FER1L6: variants seen among roughly 807,000 people sequenced by gnomAD.
The protein encoded by FER1L6 is fer-1-like protein 6.
FER1L6 carries 177 observed loss-of-function variants against 219.2 expected under a neutral mutation model. The observed-to-expected ratio is 0.81, with a 90% CI of 0.71 to 0.91. The LOEUF is 0.91. FER1L6 is among the 40% of genes least tolerant of loss of function. The probability of loss-of-function intolerance (pLI) is 0.00; values close to 1 mark genes in which losing one functional copy is unlikely to be tolerated. For synonymous variants in FER1L6, 768 were observed against 824.3 expected (o/e 0.93, Z 1.17); for missense variants, 2,153 against 2,259.9 (o/e 0.95, Z 0.96).
At chr8:124,087,480 GTTATCTTGAATT>G (rs759012403) in intron 33 of FER1L6, among the ~76,000 whole-genome samples, 2 of 152,040 alleles carry the variant, frequency 1.3e-5, no homozygotes, top group Non-Finnish European at 2.9e-5. Flanking sequence ...CCTTCTTTGT[GTTATCTTGAATT>G]TTGTTGAGCT....
At chr8:124,062,135 T>A in intron 25 of FER1L6, 103 bp downstream of exon 25, 9 of 1,243,236 alleles carry the variant, frequency 7.2e-6, no homozygotes, top group South Asian at 5.6e-5. Flanking sequence ...CACAGCCAAG[T>A]GGCTGGGTGG....
At chr8:123,994,493 G>T (rs1048670998) in intron 12 of FER1L6, among the ~76,000 whole-genome samples, 4 of 152,162 alleles carry the variant, frequency 2.6e-5, no homozygotes, top group Non-Finnish European at 5.9e-5. Context: ...CTACACATTG[G>T]CGAGACATAT....
At position 124,067,789 on chromosome 8, in the gene FER1L6, G is replaced by GA. The variant is rs747094222; in HGVS notation, c.3708dup (p.Gly1237ArgfsTer9). The GA allele has an allele frequency of 8.7e-6, 14 of 1,611,916 alleles. No individual in the cohort carries two copies. The highest frequency in any genetic ancestry group is 1.3e-5 in the African/African-American group (1 of 74,866). ...AAGGCAAAGGAGAGAAATCCCAAGG[G>GA]AAAAAAAGGCAATACAGGTAAGCAG... On this transcript the variant is annotated frameshift_variant, in exon 28 of 41. Coordinates refer to ENST00000522917, the MANE Select transcript of FER1L6 (RefSeq NM_001039112.2). LOFTEE classifies it high-confidence loss of function.
At chr8:123,965,951 TG>T in intron 3 of FER1L6, 55 bp from the exon 4 acceptor site, 1 of 1,412,114 alleles carries the variant, frequency 7.1e-7, no homozygotes. Flanking sequence ...AATATTATCA[TG>T]ACTTATGGAT....
chr8:123,995,922 C>T (rs1817111430), intron 12 of FER1L6, among the ~76,000 whole-genome samples: 1 of 152,098 alleles, frequency 6.6e-6, no homozygotes, highest in African/African-American at 2.4e-5. Context: ...TATTGACCCA[C>T]TGGCATTCAG....
chr8:124,034,693 G>T (rs1376088631), intron 18 of FER1L6, among the ~76,000 whole-genome samples: 2 of 152,234 alleles, frequency 1.3e-5, no homozygotes, highest in African/African-American at 4.8e-5. Context: ...GGCAGGCCAG[G>T]TAGATTCTTC....
At chr8:123,986,761 A>T (rs912548835) in intron 12 of FER1L6, among the ~76,000 whole-genome samples, 1 of 152,202 alleles carries the variant, frequency 6.6e-6, no homozygotes, top group Non-Finnish European at 1.5e-5. Context: ...AAGTGAGAAC[A>T]TGTGAAGTTT....
intron 1 of FER1L6, among the ~76,000 whole-genome samples, chr8:123,868,100 C>T (rs962439640): frequency 6.6e-6 from 1 of 152,032 alleles, no homozygotes; most frequent in African/African-American, 2.4e-5. Flanking sequence ...CTCCTTATTC[C>T]TTTCTTCCTT....
At chr8:124,054,075 G>T (rs1022272665) in intron 22 of FER1L6, among the ~76,000 whole-genome samples, 2 of 152,124 alleles carry the variant, frequency 1.3e-5, no homozygotes, top group African/African-American at 4.8e-5. Flanking sequence ...CCTGCAGATT[G>T]TTCCTTGAAT....
Position 123,963,388 on chromosome 8 carries a change from C to T in FER1L6, c.187C>T (p.Pro63Ser), listed in dbSNP as rs377179308. The change falls in exon 3 of 41, where the codon CCA becomes TCA. Residue 63 changes from proline (P) to serine (S), a missense_variant. Pro to Ser is a moderately conservative substitution (Grantham distance 74). Transcript: ENST00000522917. ...ASIFPVPSASPKRRSKLLTKI... is the reference protein window; with the variant it reads ...ASIFPVPSASSKRRSKLLTKI... Reference sequence around the variant, plus strand: ...TATCTTTCCTGTCCCCTCAGCTTCTCCAAAGAGAAGGTACAGTATGGATGC... The same window carrying T: ...TATCTTTCCTGTCCCCTCAGCTTCTTCAAAGAGAAGGTACAGTATGGATGC... 1.2e-5 allele frequency: 19 copies of T among 1,613,946 alleles called. No homozygotes were observed. The highest frequency in any genetic ancestry group is 1.6e-5 in the Non-Finnish European group (19 of 1,179,942).
intron 18 of FER1L6, among the ~76,000 whole-genome samples, chr8:124,031,973 G>T (rs1818987885): frequency 6.6e-6 from 1 of 152,152 alleles, no homozygotes; most frequent in Non-Finnish European, 1.5e-5. Flanking sequence ...AAATGTACAA[G>T]TTGCTAACTT....
chr8:123,996,138 A>G (rs971929134), intron 12 of FER1L6, among the ~76,000 whole-genome samples: 3 of 152,170 alleles, frequency 2.0e-5, no homozygotes, highest in Non-Finnish European at 4.4e-5. Flanking sequence ...TAGCCATTAG[A>G]AGAAATGTCC....
Position 123,975,968 on chromosome 8 carries a change from G to A in FER1L6, c.754G>A (p.Ala252Thr). ...CAGATTCTATGTGAGACTCTACAAAGCAGAAGGGTTGCCCAAAATGAATTC... is the reference window on the plus strand; with the variant it reads ...CAGATTCTATGTGAGACTCTACAAAACAGAAGGGTTGCCCAAAATGAATTC... ...WARFYVRLYK[A>T]EGLPKMNSSI... Residue 252 changes from alanine (A) to threonine (T), a missense_variant, in exon 9 of 41, where the codon GCA becomes ACA. Coordinates refer to ENST00000522917, the MANE Select transcript of FER1L6 (RefSeq NM_001039112.2). 6.2e-7 allele frequency: 1 copy of A among 1,614,062 alleles called. No individual in the cohort carries two copies. Among genetic ancestry groups the A allele is most frequent in the South Asian group, 1.1e-5 (1 of 91,056 alleles).
In FER1L6 at chr8:124,007,111, C is replaced by T. The variant is rs996283467; in HGVS notation, c.1701-3483C>T. On this transcript the variant is annotated intron_variant, in intron 13 of 40. Transcript: ENST00000522917. ...ATGTGGCTTCTCTTCTGAGTAAACA[C>T]CTGCTGGTCTGTTTTCTGCAGAGCA... 2.0e-5 allele frequency among the ~76,000 whole-genome samples: 3 copies of T among 152,318 alleles called. No individual in the cohort carries two copies. In the South Asian group the frequency reaches 6.2e-4, roughly 32 times the overall value.
At position 123,966,181 on chromosome 8, in the gene FER1L6, C is replaced by G. The variant is rs1479818541; in HGVS notation, c.275C>G (p.Ala92Gly). Residue 92 changes from alanine (A) to glycine (G), a missense_variant, in exon 5 of 41, where the codon GCT (alanine) becomes GGT (glycine). Ala to Gly is a moderately conservative substitution (Grantham distance 60, BLOSUM62 0). Transcript: ENST00000522917. Reference sequence around the variant, plus strand: ...CAGATTGCCATAACCATCACCGAGGCTCGCCAGCTGGTGGGTGAGAACATT... The same window carrying G: ...CAGATTGCCATAACCATCACCGAGGGTCGCCAGCTGGTGGGTGAGAACATT... Reference protein sequence around the residue: ...NYQIAITITEARQLVGENIDP... With the variant: ...NYQIAITITEGRQLVGENIDP... 6.2e-7 allele frequency: 1 copy of G among 1,614,064 alleles called. No individual in the cohort carries two copies. Among genetic ancestry groups the G allele is most frequent in the Non-Finnish European group, 8.5e-7 (1 of 1,180,006 alleles).
chr8:124,083,173 TTA>T (rs1212761336), intron 33 of FER1L6, among the ~76,000 whole-genome samples: 1 of 152,010 alleles, frequency 6.6e-6, no homozygotes, highest in Admixed American at 6.6e-5. Flanking sequence ...TTATACTCTC[TTA>T]GTTATTTTAA....
chr8:123,956,155 T>C, intron 2 of FER1L6, 81 bp downstream of exon 2: 1 of 1,246,224 alleles, frequency 8.0e-7, no homozygotes, highest in Admixed American at 2.0e-5. Flanking sequence ...AATGCAGTTC[T>C]CTCTCAATGG....
intron 1 of FER1L6, among the ~76,000 whole-genome samples, chr8:123,901,032 G>T (rs1264901307): frequency 6.6e-6 from 1 of 152,136 alleles, no homozygotes. Context: ...GAATTAGGGA[G>T]GGTTACTTCT....
In FER1L6 at chr8:124,007,956, C is replaced by T. The variant is rs540593030; in HGVS notation, c.1701-2638C>T. ...TTATCTTTTTTAAAATTGCCTTTTT[C>T]CATAGGTTTTGGTGGAACACATGGT... On this transcript the variant is annotated intron_variant, in intron 13 of 40. Transcript: ENST00000522917. Among the ~76,000 whole-genome samples, 3 of 152,226 alleles carry T rather than the reference C, an allele frequency of 2.0e-5. No homozygotes were observed. In the South Asian group the frequency reaches 6.2e-4, roughly 32 times the overall value.
Sources: allele counts gnomAD v4.1 joint callset (sites outside exome capture counted in the v4.1 genomes callset), GRCh38; gene constraint gnomAD v4.1.1; transcripts MANE v1.5; gene names NCBI Gene and HGNC (gene_info 2026-07-23, HGNC 2026-07-21).